Variants in ATP6V1C1 observed in about 807,000 individuals in gnomAD.
The protein encoded by ATP6V1C1 is ATPase H+ transporting V1 subunit C1, also known as V-type proton ATPase subunit C 1.
Under a neutral mutation model 53.9 loss-of-function variants are expected in ATP6V1C1, and 45 were observed. That is an observed-to-expected ratio of 0.83 (90% confidence interval 0.66 to 1.07). The LOEUF (loss-of-function observed/expected upper bound fraction) is 1.07, where lower values mean the gene tolerates loss of function less well. Among genes scored for constraint, ATP6V1C1 ranks in the 50% least tolerant of loss-of-function variants. The pLI is 0.00. For synonymous variants in ATP6V1C1, 153 were observed against 155.2 expected (o/e 0.99, Z 0.11); for missense variants, 315 against 440.3 (o/e 0.72, Z 2.55).
At chr8:103,034,154 GA>G (rs760292461) in intron 1 of ATP6V1C1, among the ~76,000 whole-genome samples, 9 of 152,134 alleles carry the variant, frequency 5.9e-5, no homozygotes, top group Non-Finnish European at 1.3e-4. Flanking sequence ...TCATCATCAA[GA>G]AAGGTGCTAT....
chr8:103,068,774 G>C lies in ATP6V1C1; in HGVS notation c.*27G>C, dbSNP rs767965081. The C allele has an allele frequency of 1.3e-6, 2 of 1,576,206 alleles. No individual in the cohort carries two copies. Among genetic ancestry groups the C allele is most frequent in the Admixed American group, 3.4e-5 (2 of 58,250 alleles). On this transcript the variant is annotated 3_prime_UTR_variant, in exon 13 of 13. Transcript: ENST00000518738. Reference sequence around the variant, plus strand: ...AATGGGCTCCTCCCCCGACAATCCTGTCCTTGTGTTTGTGTGTGCTAACAG... The same window carrying C: ...AATGGGCTCCTCCCCCGACAATCCTCTCCTTGTGTTTGTGTGTGCTAACAG...
intron 8 of ATP6V1C1, among the ~76,000 whole-genome samples, chr8:103,059,132 C>G (rs1817347428): frequency 6.6e-6 from 1 of 152,064 alleles, no homozygotes; most frequent in Non-Finnish European, 1.5e-5. Flanking sequence ...TCTGGAGTCC[C>G]CAGTGAAGCA....
rs761894655 is a variant in ATP6V1C1, at chr8:103,066,402, T to A, written c.1008T>A (p.His336Gln). 5.0e-6 allele frequency: 8 copies of A among 1,613,204 alleles called. No individual in the cohort carries two copies. The highest frequency in any genetic ancestry group is 6.8e-6 in the Non-Finnish European group (8 of 1,179,802). The part of the protein sequence containing the change: ...KTLKKLREVL[H>Q]ELYKHLDSSA... ...TGAAGAAACTGAGAGAAGTATTACA[T>A]GAATTGTATAAACATCTAGACAGCA... The change falls in exon 12 of 13, where the codon CAT becomes CAA. Residue 336 changes from histidine to glutamine, a missense_variant. Transcript: ENST00000518738.
intron 8 of ATP6V1C1, 28 bp downstream of exon 8, chr8:103,055,964 T>A: frequency 6.3e-7 from 1 of 1,596,578 alleles, no homozygotes; most frequent in South Asian, 1.1e-5. Context: ...TAAAACCATT[T>A]GTTTCCTAGA....
chr8:103,049,113 TC>T (rs1195602665), intron 4 of ATP6V1C1, among the ~76,000 whole-genome samples, 158 bp downstream of exon 4: 1 of 152,226 alleles, frequency 6.6e-6, no homozygotes, highest in Non-Finnish European at 1.5e-5. Flanking sequence ...TGGTGATACT[TC>T]CAGGTACATC....
chr8:103,040,821 A>G lies in ATP6V1C1; in HGVS notation c.-16A>G. ...AGAATCTCTCTTGATTTTTGAGGAA[A>G]TACCTAGTAACAAACATGACTGAGT... is the stretch of plus-strand genomic sequence containing the variant. On this transcript the variant is annotated 5_prime_UTR_variant, in exon 2 of 13. Transcript: ENST00000518738. 1 of 1,604,088 alleles carries G rather than the reference A, an allele frequency of 6.2e-7. No homozygotes were observed. Among genetic ancestry groups the G allele is most frequent in the Non-Finnish European group, 8.5e-7 (1 of 1,176,172 alleles).
chr8:103,022,551 TGAAG>T (rs1472903902), intron 1 of ATP6V1C1, among the ~76,000 whole-genome samples: 2 of 152,242 alleles, frequency 1.3e-5, no homozygotes, highest in East Asian at 3.9e-4. Context: ...AAATGTGCTT[TGAAG>T]GAATAACAGT....
chr8:103,068,859 C>G lies in ATP6V1C1; in HGVS notation c.*112C>G, dbSNP rs1246904917. 1.5e-6 allele frequency: 1 copy of G among 678,482 alleles called. No individual in the cohort carries two copies. Among genetic ancestry groups the G allele is most frequent in the Middle Eastern group, 2.5e-4 (1 of 3,938 alleles). The allele number at this position is 678,482 out of a possible 1,614,324, so 42.0% of individuals were successfully genotyped here. A position where few individuals can be genotyped will look rare whatever the true frequency, so the allele number is the denominator to read the frequency against. On this transcript the variant is annotated 3_prime_UTR_variant, in exon 13 of 13. Coordinates refer to ENST00000518738, the MANE Select transcript of ATP6V1C1 (RefSeq NM_001695.5). ...AGTATCCTTTGCTTGCTTCTTACGCCCTTTCCTAGGTGAATTCTCCCACAG... is the reference window on the plus strand; with the variant it reads ...AGTATCCTTTGCTTGCTTCTTACGCGCTTTCCTAGGTGAATTCTCCCACAG...
intron 1 of ATP6V1C1, among the ~76,000 whole-genome samples, chr8:103,035,534 A>G (rs915445869): frequency 1.3e-5 from 2 of 152,204 alleles, no homozygotes; most frequent in African/African-American, 4.8e-5. Context: ...TTTATAAAGT[A>G]TAAGTAAGCA....
intron 1 of ATP6V1C1, among the ~76,000 whole-genome samples, chr8:103,038,901 T>A (rs1816944708): frequency 6.6e-6 from 1 of 152,238 alleles, no homozygotes; most frequent in African/African-American, 2.4e-5. Flanking sequence ...TAAGCTGTGC[T>A]GTTCTCTGAC....
chr8:103,055,863 T>C lies in ATP6V1C1; in HGVS notation c.573-5T>C. 6.2e-7 allele frequency: 1 copy of C among 1,611,340 alleles called. No individual in the cohort carries two copies. Among genetic ancestry groups the C allele is most frequent in the Non-Finnish European group, 8.5e-7 (1 of 1,178,072 alleles). On this transcript the variant is annotated splice_polypyrimidine_tract_variant and splice_region_variant and intron_variant, in intron 7 of 12. Coordinates refer to ENST00000518738, the MANE Select transcript of ATP6V1C1 (RefSeq NM_001695.5). ...TTTCCAATGTGTATTGTACCTTTTC[T>C]GCAGGTTAAACCACAACGACTGGAT...
intron 5 of ATP6V1C1, among the ~76,000 whole-genome samples, chr8:103,051,922 A>G (rs1435235260): frequency 6.6e-6 from 1 of 152,134 alleles, no homozygotes; most frequent in Non-Finnish European, 1.5e-5. Context: ...AACTTTAGTT[A>G]TGCGGTGTGC....
intron 1 of ATP6V1C1, among the ~76,000 whole-genome samples, chr8:103,029,004 GTAA>G (rs1359559831): frequency 6.6e-6 from 1 of 151,884 alleles, no homozygotes; most frequent in African/African-American, 2.4e-5. Context: ...GTGTTTACAT[GTAA>G]TAATTTATTA....
chr8:103,053,964 T>G lies in ATP6V1C1; in HGVS notation c.554T>G (p.Leu185Ter). Reference sequence around the variant, plus strand: ...CTTGATTCAGAGTATCTCGTCACATTACTGGTAGTAGTTCCCAAGTAAGTC... The same window carrying G: ...CTTGATTCAGAGTATCTCGTCACATGACTGGTAGTAGTTCCCAAGTAAGTC... Reference protein sequence around the residue: ...FVLDSEYLVTLLVVVPKLNHN... With the variant: ...FVLDSEYLVT Residue 185 changes from leucine (L) to a stop codon, truncating the protein, a stop_gained, in exon 7 of 13, where the codon TTA (leucine) becomes TGA (stop). Transcript: ENST00000518738. LOFTEE classifies it high-confidence loss of function. The G allele has an allele frequency of 6.2e-7, 1 of 1,608,794 alleles. No individual in the cohort carries two copies. The highest frequency in any genetic ancestry group is 8.5e-7 in the Non-Finnish European group (1 of 1,177,308).
intron 1 of ATP6V1C1, among the ~76,000 whole-genome samples, chr8:103,037,885 A>G (rs1816925448): frequency 6.6e-6 from 1 of 152,176 alleles, no homozygotes; most frequent in Non-Finnish European, 1.5e-5. Context: ...TTCTGTAAGT[A>G]TATATAACTC....
At chr8:103,058,474 A>G (rs935686834) in intron 8 of ATP6V1C1, among the ~76,000 whole-genome samples, 3 of 152,202 alleles carry the variant, frequency 2.0e-5, no homozygotes, top group Non-Finnish European at 4.4e-5. Flanking sequence ...ATTGTCTGCC[A>G]TTTAGGAAAG....
At chr8:103,021,643 G>A (rs1816592812) in intron 1 of ATP6V1C1, among the ~76,000 whole-genome samples, 1 of 147,096 alleles carries the variant, frequency 6.8e-6, no homozygotes, top group South Asian at 2.2e-4. Flanking sequence ...GGGCGCGGGT[G>A]TCGGGGGTCG....
chr8:103,025,880 T>G (rs1024530104), intron 1 of ATP6V1C1, among the ~76,000 whole-genome samples: 2 of 152,218 alleles, frequency 1.3e-5, no homozygotes, highest in African/African-American at 4.8e-5. Flanking sequence ...AATCTTAAAG[T>G]CTTTAAGTTG....
Position 103,047,406 on chromosome 8 carries a change from T to TAA in ATP6V1C1, c.201-1449_201-1448dup, listed in dbSNP as rs35561690. Among the ~76,000 whole-genome samples, 137 of 109,624 alleles carry TAA rather than the reference T, an allele frequency of 1.2e-3. 1 individual carries two copies. The highest frequency in any genetic ancestry group is 4.5e-3 in the African/African-American group (130 of 28,982). 71.9% of individuals were successfully genotyped at this position (109,624 alleles called of 152,430 possible). A position where few individuals can be genotyped will look rare whatever the true frequency, so the allele number is the denominator to read the frequency against. ...TGGGCAGTAGAGTGAGACTCTCTCT[T>TAA]AAAAAAAAAAAAAAAATGCGCGCGC... On this transcript the variant is annotated intron_variant, in intron 3 of 12. Transcript: ENST00000518738.
Sources: gnomAD v4.1 joint callset for allele counts (sites outside exome capture counted in the v4.1 genomes callset) on GRCh38, gnomAD v4.1.1 for gene constraint, MANE v1.5 for transcripts, NCBI Gene and HGNC (gene_info 2026-07-23, HGNC 2026-07-21) for gene names.